The following ZNF248 variants were observed in gnomAD, a reference collection of about 807,000 sequenced individuals.
The protein encoded by ZNF248 is KRAB protein domain.
In ZNF248, 20 loss-of-function variants were observed where a neutral mutation model predicts 44.3. That is an observed-to-expected ratio of 0.45 (90% CI 0.32 to 0.66). The LOEUF (loss-of-function observed/expected upper bound fraction) is 0.66, where lower values mean the gene tolerates loss of function less well. ZNF248 is among the 30% of genes least tolerant of loss of function. The pLI, the probability that ZNF248 is intolerant of heterozygous loss-of-function variation, is 0.04. For missense variants in ZNF248, 654 were observed against 677.0 expected, an observed-to-expected ratio of 0.97 and a Z score of 0.38; for synonymous variants, 224 against 229.0, an observed-to-expected ratio of 0.98 and a Z score of 0.20.
chr10:37,759,633 C>T, the ZNF248 span, among the ~76,000 whole-genome samples: 5 of 152,144 alleles, frequency 3.3e-5, no homozygotes, highest in African/African-American at 1.2e-4. Flanking sequence ...GTCAGCTAAC[C>T]AACAAGACAG....
intron 3 of ZNF248, among the ~76,000 whole-genome samples, chr10:37,845,018 T>C (rs1335464347): frequency 6.8e-6 from 1 of 147,026 alleles, no homozygotes; most frequent in African/African-American, 2.5e-5. Context: ...TCTCTCTTTC[T>C]TTCTTGTTTT....
chr10:37,829,340 C>CA lies in ZNF248; in HGVS notation c.*2274dup. The CA allele has an allele frequency of 2.0e-6, 2 of 985,404 alleles. No homozygotes were observed. The highest frequency in any genetic ancestry group is 2.4e-6 in the Non-Finnish European group (2 of 829,926). The allele number at this position is 985,404 out of a possible 1,614,324, so 61.0% of individuals were successfully genotyped here. On this transcript the variant is annotated 3_prime_UTR_variant, in exon 6 of 6. Transcript: ENST00000395867. ...ACTGTCCCTTGTTTCTGGCCCACACCACTGTAATCAGTCTGCCATTAAAAT... is the reference window on the plus strand; with the variant it reads ...ACTGTCCCTTGTTTCTGGCCCACACCAACTGTAATCAGTCTGCCATTAAAAT...
chr10:37,783,277 A>T (rs750716678), intron 6 of ZNF248, among the ~76,000 whole-genome samples: 1 of 152,204 alleles, frequency 6.6e-6, no homozygotes, highest in Non-Finnish European at 1.5e-5. Flanking sequence ...TCTTATTCCC[A>T]GGAAGCAGTA....
At chr10:37,804,312 C>G (rs1322428062) in intron 6 of ZNF248, among the ~76,000 whole-genome samples, 3 of 151,810 alleles carry the variant, frequency 2.0e-5, no homozygotes, top group Non-Finnish European at 4.4e-5. Flanking sequence ...TGAGGATTTT[C>G]AAGAATACTT....
At chr10:37,784,658 T>C (rs888996158) in intron 6 of ZNF248, among the ~76,000 whole-genome samples, 2 of 152,188 alleles carry the variant, frequency 1.3e-5, no homozygotes, top group Admixed American at 6.5e-5. Context: ...CTAGACTAGA[T>C]AGCAGCATAT....
chr10:37,856,392 G>A (rs1173505520), intron 2 of ZNF248, 43 bp downstream of exon 2: 3 of 1,603,604 alleles, frequency 1.9e-6, no homozygotes, highest in Middle Eastern at 1.7e-4. Context: ...CTTGCAGTTC[G>A]GAGATTCACC....
intron 3 of ZNF248, among the ~76,000 whole-genome samples, chr10:37,853,179 T>C (rs1177485426): frequency 6.6e-6 from 1 of 151,974 alleles, no homozygotes; most frequent in Non-Finnish European, 1.5e-5. Context: ...AAGGATATCA[T>C]ACCTCAGAAC....
chr10:37,856,803 A>T, intron 1 of ZNF248: 1 of 849,688 alleles, frequency 1.2e-6, no homozygotes, highest in Non-Finnish European at 1.4e-6. Context: ...TCTTTTAATG[A>T]GAAACTGTGA....
At chr10:37,760,608 G>A in the ZNF248 span, among the ~76,000 whole-genome samples, 4 of 152,208 alleles carry the variant, frequency 2.6e-5, no homozygotes, top group African/African-American at 9.6e-5. Flanking sequence ...GACTGAGGCA[G>A]GCGGATCACA....
chr10:37,825,987 G>T (rs1266261244), downstream of ZNF248, among the ~76,000 whole-genome samples: 2 of 151,996 alleles, frequency 1.3e-5, no homozygotes, highest in Non-Finnish European at 2.9e-5. Context: ...ATGTTCATTT[G>T]TAAGAGTAAA....
intron 6 of ZNF248, among the ~76,000 whole-genome samples, chr10:37,821,564 G>A (rs2053472873): frequency 6.6e-6 from 1 of 152,120 alleles, no homozygotes; most frequent in Non-Finnish European, 1.5e-5. Flanking sequence ...AGTTCTTCTG[G>A]AATTAAGGCC....
At chr10:37,851,230 G>A (rs1164233492) in intron 3 of ZNF248, among the ~76,000 whole-genome samples, 1 of 152,170 alleles carries the variant, frequency 6.6e-6, no homozygotes, top group Non-Finnish European at 1.5e-5. Flanking sequence ...CTAAAAGCAG[G>A]ACATGGATTT....
At chr10:37,839,506 A>AAC (rs771239384) in intron 3 of ZNF248, among the ~76,000 whole-genome samples, 4,624 of 110,846 alleles carry the variant, frequency 0.042, 98 homozygotes, top group Middle Eastern at 0.062. Context: ...TGTATACACA[A>AAC]ACACACACAC....
At chr10:37,851,731 T>A (rs1391010793) in intron 3 of ZNF248, among the ~76,000 whole-genome samples, 1 of 14,634 alleles carries the variant, frequency 6.8e-5, no homozygotes, top group Non-Finnish European at 1.4e-4. Flanking sequence ...TGCAAATAAA[T>A]AACAAAAAAA....
chr10:37,813,162 C>T (rs1197404648), intron 6 of ZNF248, among the ~76,000 whole-genome samples: 2 of 152,060 alleles, frequency 1.3e-5, no homozygotes, highest in Non-Finnish European at 2.9e-5. Flanking sequence ...TTCCAAAGCC[C>T]GACCATGAGG....
At chr10:37,844,381 T>C (rs1366761680) in intron 3 of ZNF248, among the ~76,000 whole-genome samples, 2 of 152,114 alleles carry the variant, frequency 1.3e-5, no homozygotes, top group Admixed American at 1.3e-4. Context: ...AATTAAAAGA[T>C]CTTCATAACT....
At chr10:37,821,528 C>T (rs551085997) in intron 6 of ZNF248, among the ~76,000 whole-genome samples, 21 of 152,268 alleles carry the variant, frequency 1.4e-4, no homozygotes, top group African/African-American at 4.1e-4. Flanking sequence ...AGCCTCACTC[C>T]GCAGTACAGA....
chr10:37,776,685 G>A (rs898137490), intron 6 of ZNF248: 5 of 383,902 alleles, frequency 1.3e-5, no homozygotes, highest in Non-Finnish European at 2.3e-5. Context: ...GTTGGATGGT[G>A]CAGGAGTCCA....
At chr10:37,765,256 C>A in the ZNF248 span, among the ~76,000 whole-genome samples, 4 of 152,104 alleles carry the variant, frequency 2.6e-5, no homozygotes, top group African/African-American at 9.7e-5. Context: ...TGAGCCTGGG[C>A]AAGTTTGAGC....
Sources: allele counts gnomAD v4.1 joint callset (sites outside exome capture counted in the v4.1 genomes callset), GRCh38; gene constraint gnomAD v4.1.1; transcripts MANE v1.5; gene names NCBI Gene and HGNC (gene_info 2026-07-23, HGNC 2026-07-21).